Variants in AFF2 observed in about 807,000 individuals in gnomAD.
AFF2 encodes ALF transcription elongation factor 2, also known as AF4/FMR2 family member 2.
In AFF2, 14 loss-of-function variants were observed where a neutral mutation model predicts 76.9. That is an observed-to-expected ratio of 0.18 (90% confidence interval 0.12 to 0.28). The LOEUF is 0.28. Among genes scored for constraint, AFF2 ranks in the 10% least tolerant of loss-of-function variants. The pLI, the probability that AFF2 is intolerant of heterozygous loss-of-function variation, is 1.00. For synonymous variants in AFF2, 398 were observed against 366.7 expected (o/e 1.09, Z -0.98); for missense variants, 868 against 1,001.1 (o/e 0.87, Z 1.79).
At chrX:148,729,340 A>G (rs1263544175) in intron 3 of AFF2, among the ~76,000 whole-genome samples, 1 of 111,942 alleles carries the variant, frequency 8.9e-6, no homozygotes, top group Non-Finnish European at 1.9e-5. Flanking sequence ...TGGAATGTAG[A>G]GAAAGGACAT....
chrX:148,634,749 T>TA (rs1465526594), intron 1 of AFF2, among the ~76,000 whole-genome samples: 1 of 111,656 alleles, frequency 9.0e-6, no homozygotes, highest in Non-Finnish European at 1.9e-5. Flanking sequence ...CGGAGATACT[T>TA]AACTGTTGAG....
intron 7 of AFF2, among the ~76,000 whole-genome samples, chrX:148,884,064 A>G (rs782190366): frequency 8.9e-6 from 1 of 111,973 alleles, no homozygotes; most frequent in Non-Finnish European, 1.9e-5. Flanking sequence ...TTTGAGTTCT[A>G]TAGCTTATGA....
At chrX:148,881,892 C>T (rs1449264103) in intron 7 of AFF2, among the ~76,000 whole-genome samples, 2 of 110,608 alleles carry the variant, frequency 1.8e-5, no homozygotes, top group Non-Finnish European at 3.8e-5. Flanking sequence ...TATTATTGCC[C>T]ATTTTAACAT....
chrX:148,750,619 A>C (rs1385674878), intron 3 of AFF2, among the ~76,000 whole-genome samples: 1 of 111,643 alleles, frequency 9.0e-6, no homozygotes, highest in East Asian at 2.8e-4. Context: ...ATTTGGATTT[A>C]AATCTGGATC....
At chrX:148,873,903 A>G (rs1289457546) in intron 7 of AFF2, among the ~76,000 whole-genome samples, 1 of 111,846 alleles carries the variant, frequency 8.9e-6, no homozygotes, top group Non-Finnish European at 1.9e-5. Flanking sequence ...CTACATTTTT[A>G]TTCTGAATAG....
At chrX:148,987,642 C>A (rs1266943712) in intron 20 of AFF2, 85 bp downstream of exon 20, 1 of 842,628 alleles carries the variant, frequency 1.2e-6, no homozygotes, top group Non-Finnish European at 1.7e-6. Context: ...TACTTGGTGG[C>A]CTTATATCTT....
chrX:148,803,392 T>C (rs943083891), intron 3 of AFF2, among the ~76,000 whole-genome samples: 1 of 110,904 alleles, frequency 9.0e-6, no homozygotes, highest in African/African-American at 3.3e-5. Context: ...CCTACTCAGC[T>C]GGGGTATGAG....
At chrX:148,784,487 A>T (rs782554968) in intron 3 of AFF2, among the ~76,000 whole-genome samples, 29 of 112,001 alleles carry the variant, frequency 2.6e-4, no homozygotes, top group Admixed American at 2.5e-3. Flanking sequence ...GGCTGGCAGC[A>T]TTATGGCAGG....
intron 3 of AFF2, among the ~76,000 whole-genome samples, chrX:148,752,359 T>C (rs1292009901): frequency 1.8e-5 from 2 of 111,897 alleles, no homozygotes; most frequent in African/African-American, 6.5e-5. Flanking sequence ...CAGGATGTCC[T>C]GAACCCAGGA....
At chrX:148,778,447 C>T (rs1340973844) in intron 3 of AFF2, among the ~76,000 whole-genome samples, 1 of 110,767 alleles carries the variant, frequency 9.0e-6, no homozygotes, top group Non-Finnish European at 1.9e-5. Flanking sequence ...CTCTTTGTAC[C>T]TCTGGTGGAA....
chrX:148,674,295 T>C (rs1180194056), intron 3 of AFF2, among the ~76,000 whole-genome samples: 2 of 112,503 alleles, frequency 1.8e-5, no homozygotes, highest in Non-Finnish European at 3.7e-5. Flanking sequence ...TGGATTTGGC[T>C]GGCAAAACTT....
intron 7 of AFF2, among the ~76,000 whole-genome samples, chrX:148,880,171 G>A (rs980078768): frequency 1.8e-5 from 2 of 112,027 alleles, no homozygotes; most frequent in Admixed American, 1.9e-4. Flanking sequence ...TTCCCAGTGA[G>A]GTGGTGGCCA....
intron 1 of AFF2, among the ~76,000 whole-genome samples, chrX:148,636,562 T>A (rs1008348262): frequency 8.9e-6 from 1 of 112,421 alleles, no homozygotes; most frequent in Non-Finnish European, 1.9e-5. Flanking sequence ...TGAGTTGCTG[T>A]GATAGAATGA....
At chrX:148,631,615 A>T (rs1481204175) in intron 1 of AFF2, among the ~76,000 whole-genome samples, 6 of 112,248 alleles carry the variant, frequency 5.3e-5, no homozygotes, top group African/African-American at 1.9e-4. Flanking sequence ...GAGTTGTAGG[A>T]TACCTCATTG....
intron 1 of AFF2, among the ~76,000 whole-genome samples, chrX:148,614,736 T>TC (rs1438886521): frequency 1.4e-5 from 1 of 69,475 alleles, no homozygotes; most frequent in Admixed American, 1.5e-4. Flanking sequence ...TTTCTTTCCT[T>TC]CTTTTCTTTC....
At position 148,843,419 on chromosome X, in the gene AFF2, A is replaced by C; in HGVS notation, c.1248A>C (p.Ser416=). 1 of 1,209,697 alleles carries C rather than the reference A, an allele frequency of 8.3e-7. No individual in the cohort carries two copies. The highest frequency in any genetic ancestry group is 3.0e-5 in the East Asian group (1 of 33,792). ...CAACCACCAGAGCTTCTACAAAGTCAGTGTCTTTCAAATCGTGAGTAGTTG... is the reference window on the plus strand; with the variant it reads ...CAACCACCAGAGCTTCTACAAAGTCCGTGTCTTTCAAATCGTGAGTAGTTG... The part of the protein sequence containing the change: ...NDPTTRASTK[S]VSFKSMLEDD... The change falls in exon 7 of 21, where the codon TCA becomes TCC. Residue 416 remains serine (S), a synonymous_variant. Transcript: ENST00000370460.
chrX:148,761,467 G>GT (rs77197026), intron 3 of AFF2, among the ~76,000 whole-genome samples: 3,085 of 63,483 alleles, frequency 0.049, 67 homozygotes, highest in African/African-American at 0.13. Context: ...AGTTTTTTTT[G>GT]TTTTTTTTTT....
At chrX:148,790,854 A>T (rs1214463760) in intron 3 of AFF2, among the ~76,000 whole-genome samples, 1 of 111,973 alleles carries the variant, frequency 8.9e-6, no homozygotes, top group Non-Finnish European at 1.9e-5. Flanking sequence ...AAATAAAAAT[A>T]AAAAGATTGA....
intron 6 of AFF2, 59 bp from the exon 7 acceptor site, chrX:148,843,323 A>G (rs985836961): frequency 6.8e-5 from 69 of 1,021,160 alleles, no homozygotes; most frequent in Non-Finnish European, 3.0e-5. Flanking sequence ...AATTTAATTC[A>G]GAATAATCAT....
Sources: allele counts gnomAD v4.1 joint callset (sites outside exome capture counted in the v4.1 genomes callset), GRCh38; gene constraint gnomAD v4.1.1; transcripts MANE v1.5; gene names NCBI Gene and HGNC (gene_info 2026-07-23, HGNC 2026-07-21).